Variants in THSD4 observed in about 807,000 individuals in gnomAD.
THSD4 encodes the protein thrombospondin type-1 domain-containing protein 4.
A neutral mutation model predicts 119.0 loss-of-function variants in THSD4; 69 were observed. The observed-to-expected ratio is 0.58, with a 90% CI of 0.48 to 0.71. The LOEUF (loss-of-function observed/expected upper bound fraction) is 0.71, where lower values mean the gene tolerates loss of function less well. Ranked by LOEUF, THSD4 falls within the 30% of genes least tolerant of loss-of-function variation. The pLI is 0.00. For missense variants in THSD4, 1,393 were observed against 1,391.1 expected, an observed-to-expected ratio of 1.00 and a Z score of -0.02; for synonymous variants, 524 against 540.4, an observed-to-expected ratio of 0.97 and a Z score of 0.42.
intron 6 of THSD4, among the ~76,000 whole-genome samples, chr15:71,392,640 G>A (rs2046392538): frequency 6.6e-6 from 1 of 152,086 alleles, no homozygotes; most frequent in Non-Finnish European, 1.5e-5. Flanking sequence ...GAACCCTGAG[G>A]GCCTTGGCTA....
intron 7 of THSD4, among the ~76,000 whole-genome samples, chr15:71,475,244 C>G (rs1218775316): frequency 3.3e-5 from 5 of 152,200 alleles, no homozygotes; most frequent in African/African-American, 1.2e-4. Flanking sequence ...GTTTATAGAT[C>G]TCTGCACATA....
At chr15:71,562,514 G>A (rs1319862737) in intron 7 of THSD4, among the ~76,000 whole-genome samples, 1 of 152,126 alleles carries the variant, frequency 6.6e-6, no homozygotes, top group East Asian at 1.9e-4. Flanking sequence ...ATGCCGATAA[G>A]CCAGACAGAC....
At chr15:71,341,106 C>T in intron 6 of THSD4, 1 of 1,253,138 alleles carries the variant, frequency 8.0e-7, no homozygotes, top group Non-Finnish European at 1.1e-6. Flanking sequence ...TCTGTCTTCC[C>T]TCTCTCTCCC....
chr15:71,239,435 A>T (rs2044134014), intron 4 of THSD4, among the ~76,000 whole-genome samples: 1 of 152,216 alleles, frequency 6.6e-6, no homozygotes, highest in African/African-American at 2.4e-5. Flanking sequence ...AAGTTTCCAA[A>T]CTAGCAAGTA....
intron 7 of THSD4, among the ~76,000 whole-genome samples, chr15:71,572,978 T>C (rs1595895142): frequency 6.6e-6 from 1 of 152,262 alleles, no homozygotes; most frequent in African/African-American, 2.4e-5. Flanking sequence ...GTAGAGGGCA[T>C]ACCCTGAGAG....
At chr15:71,098,520 TC>T (rs1420274585) in intron 1 of THSD4, among the ~76,000 whole-genome samples, 2 of 152,180 alleles carry the variant, frequency 1.3e-5, no homozygotes, top group African/African-American at 4.8e-5. Flanking sequence ...TGCCTTGGCC[TC>T]CCAGAGTGCT....
At chr15:71,339,905 C>T (rs1457195243) in intron 6 of THSD4, among the ~76,000 whole-genome samples, 1 of 152,124 alleles carries the variant, frequency 6.6e-6, no homozygotes, top group African/African-American at 2.4e-5. Context: ...GCTGAAATTA[C>T]AGTCGCGTGC....
At chr15:71,106,433 T>A (rs2040274348) in intron 1 of THSD4, among the ~76,000 whole-genome samples, 1 of 152,108 alleles carries the variant, frequency 6.6e-6, no homozygotes, top group South Asian at 2.1e-4. Flanking sequence ...CCATGGCAGA[T>A]CTGTTGGGGG....
intron 7 of THSD4, among the ~76,000 whole-genome samples, chr15:71,425,529 A>G (rs945545988): frequency 5.3e-5 from 8 of 152,078 alleles, no homozygotes; most frequent in African/African-American, 9.7e-5. Flanking sequence ...CCAACCCTTC[A>G]TCGTCTGCCC....
At chr15:71,597,405 A>T (rs1011487997) in intron 7 of THSD4, among the ~76,000 whole-genome samples, 1 of 152,220 alleles carries the variant, frequency 6.6e-6, no homozygotes, top group Non-Finnish European at 1.5e-5. Context: ...ATATGTGTGT[A>T]TATATACCAA....
intron 6 of THSD4, among the ~76,000 whole-genome samples, chr15:71,326,282 T>G (rs891658108): frequency 6.6e-6 from 1 of 152,098 alleles, no homozygotes. Context: ...AAACTACATG[T>G]CAAGGGCTTA....
chr15:71,268,324 A>G (rs1432015440), intron 6 of THSD4, among the ~76,000 whole-genome samples: 2 of 152,244 alleles, frequency 1.3e-5, no homozygotes, highest in Non-Finnish European at 1.5e-5. Flanking sequence ...GCACAACTGC[A>G]TGGAAACTGA....
At chr15:71,594,222 T>C (rs2049864515) in intron 7 of THSD4, among the ~76,000 whole-genome samples, 1 of 151,886 alleles carries the variant, frequency 6.6e-6, no homozygotes, top group Admixed American at 6.6e-5. Context: ...TTTTTTTTTT[T>C]TTTCCTGAGA....
At chr15:71,099,338 T>C (rs990012181) in intron 1 of THSD4, among the ~76,000 whole-genome samples, 1 of 152,260 alleles carries the variant, frequency 6.6e-6, no homozygotes, top group Non-Finnish European at 1.5e-5. Flanking sequence ...ATTTTCTGTC[T>C]ACTTATACTA....
chr15:71,660,324 T>G lies in THSD4; in HGVS notation c.1153-206T>G. ...TTCCCTAGTCTTTTTCCCAGTGTTA[T>G]TTTTCTCCTGATCATTTACCACCAC... On this transcript the variant is annotated intron_variant, in intron 7 of 17. Coordinates refer to ENST00000261862, the MANE Select transcript of THSD4 (RefSeq NM_024817.3). 3 of 593,142 alleles carry G rather than the reference T, an allele frequency of 5.1e-6. No homozygotes were observed. In the South Asian group the frequency reaches 6.0e-5, roughly 12 times the overall value. The allele number at this position is 593,142 out of a possible 1,614,324, so 36.7% of individuals were successfully genotyped here. A position where few individuals can be genotyped will look rare whatever the true frequency, so the allele number is the denominator to read the frequency against.
intron 14 of THSD4, among the ~76,000 whole-genome samples, chr15:71,751,477 G>T (rs1040257012): frequency 1.3e-5 from 2 of 151,634 alleles, no homozygotes; most frequent in Admixed American, 6.6e-5. Context: ...TTCCTCATAC[G>T]TATTTTAAAG....
intron 13 of THSD4, among the ~76,000 whole-genome samples, chr15:71,748,185 C>G (rs1263530151): frequency 6.6e-6 from 1 of 152,166 alleles, no homozygotes; most frequent in Non-Finnish European, 1.5e-5. Flanking sequence ...CCCATTCAGT[C>G]AGCTGGGAGG....
In THSD4 at chr15:71,707,354, T is replaced by C. The variant is rs542773389; in HGVS notation, c.1358-21195T>C. Among the ~76,000 whole-genome samples, 3 of 152,346 alleles carry C rather than the reference T, an allele frequency of 2.0e-5. No individual in the cohort carries two copies. The South Asian group carries it at 6.2e-4, about 32-fold the overall frequency. On this transcript the variant is annotated intron_variant, in intron 8 of 17. Transcript: ENST00000261862. ...GTTTGCTTTTGAAGACAGATTAGAA[T>C]AAGCTATAGTCCATTAAAGCCACAT...
intron 6 of THSD4, among the ~76,000 whole-genome samples, chr15:71,369,260 C>G (rs1041320597): frequency 2.9e-4 from 44 of 152,188 alleles, no homozygotes; most frequent in South Asian, 1.9e-3. Flanking sequence ...TTTCCTAATT[C>G]AATACCCTTT....
Sources: gnomAD v4.1 joint callset for allele counts (sites outside exome capture counted in the v4.1 genomes callset) on GRCh38, gnomAD v4.1.1 for gene constraint, MANE v1.5 for transcripts, NCBI Gene and HGNC (gene_info 2026-07-23, HGNC 2026-07-21) for gene names.